Variants in SRGAP1 observed in about 807,000 individuals in gnomAD.
SRGAP1 encodes the protein SLIT-ROBO Rho GTPase activating protein 1.
SRGAP1 carries 43 observed loss-of-function variants against 121.9 expected under a neutral mutation model. That is an observed-to-expected ratio of 0.35 (90% CI 0.28 to 0.46). The LOEUF (loss-of-function observed/expected upper bound fraction) is 0.46. Among genes scored for constraint, SRGAP1 ranks in the 20% least tolerant of loss-of-function variants. The pLI is 1.00. For missense variants in SRGAP1, 1,102 were observed against 1,350.9 expected (o/e 0.82, Z 2.89); for synonymous variants, 447 against 485.4 (o/e 0.92, Z 1.04).
intron 3 of SRGAP1, among the ~76,000 whole-genome samples, chr12:63,996,978 T>C (rs2033730149): frequency 6.6e-6 from 1 of 152,146 alleles, no homozygotes; most frequent in African/African-American, 2.4e-5. Flanking sequence ...TAATAAATGC[T>C]CTCTGAATAG....
chr12:64,112,067 TC>T, intron 17 of SRGAP1, 81 bp downstream of exon 17: 1 of 1,158,460 alleles, frequency 8.6e-7, no homozygotes, highest in Non-Finnish European at 1.2e-6. Context: ...AGAAAGAGTT[TC>T]CCATAAGCCA....
chr12:63,872,809 G>T (rs1434459195), intron 1 of SRGAP1, among the ~76,000 whole-genome samples: 1 of 152,156 alleles, frequency 6.6e-6, no homozygotes, highest in African/African-American at 2.4e-5. Flanking sequence ...TGGTTTTAAA[G>T]TTGAAAAGTA....
intron 1 of SRGAP1, among the ~76,000 whole-genome samples, chr12:63,918,403 C>G (rs2030888537): frequency 6.6e-6 from 1 of 152,008 alleles, no homozygotes; most frequent in African/African-American, 2.4e-5. Flanking sequence ...ATGAACTAAG[C>G]CTTTTATGCT....
At position 64,111,968 on chromosome 12, in the gene SRGAP1, T is replaced by C; in HGVS notation, c.2126T>C (p.Met709Thr). 1 of 1,613,828 alleles carries C rather than the reference T, an allele frequency of 6.2e-7. No homozygotes were observed. The highest frequency in any genetic ancestry group is 8.5e-7 in the Non-Finnish European group (1 of 1,179,794). ...ELDGPVYEKC[M>T]AGDDYCDSPY... is the part of the protein sequence containing the mutation. ...GATGGCCCTGTTTATGAGAAATGTA[T>C]GGCTGGAGATGACTATTGGTAAGTC... Residue 709 changes from methionine (M) to threonine (T), a missense_variant, in exon 17 of 22, where the codon ATG becomes ACG. Met to Thr is a moderately conservative substitution (Grantham distance 81, BLOSUM62 -1). Around this residue, in one of 3 missense-constraint regions of SRGAP1, gnomAD observed 747 missense variants for 929.4 expected, o/e 0.80. Transcript: ENST00000355086.
At chr12:64,141,968 A>G (rs1033293547) in intron 21 of SRGAP1, among the ~76,000 whole-genome samples, 2 of 152,188 alleles carry the variant, frequency 1.3e-5, no homozygotes, top group African/African-American at 4.8e-5. Flanking sequence ...CTGCCTGGCT[A>G]ACAGAGTGAG....
intron 4 of SRGAP1, among the ~76,000 whole-genome samples, 156 bp from the exon 5 acceptor site, chr12:64,042,634 G>A (rs2035047940): frequency 6.6e-6 from 1 of 152,172 alleles, no homozygotes; most frequent in African/African-American, 2.4e-5. Flanking sequence ...TGTAGAAGCA[G>A]TAGTCCATAA....
intron 1 of SRGAP1, among the ~76,000 whole-genome samples, chr12:63,880,860 C>T (rs115263950): frequency 1.7e-3 from 259 of 152,274 alleles, no homozygotes; most frequent in African/African-American, 5.8e-3. Context: ...AGATGTACCT[C>T]GAAAATGTAC....
Position 63,945,279 on chromosome 12 carries a change from T to A in SRGAP1, c.68-38668T>A, listed in dbSNP as rs190611057. On this transcript the variant is annotated intron_variant, in intron 1 of 21. Transcript: ENST00000355086. ...TGTCTTTCTGTTTGTTTTTTTTTTT[T>A]AAATACTTTAAGTTTTGGGATACAT... 8.2e-3 allele frequency among the ~76,000 whole-genome samples: 1,246 copies of A among 152,026 alleles called. 11 individuals are homozygous for A. The highest frequency in any genetic ancestry group is 0.013 in the Non-Finnish European group (874 of 67,950).
intron 1 of SRGAP1, among the ~76,000 whole-genome samples, chr12:63,869,299 A>G (rs961404550): frequency 6.6e-6 from 1 of 152,212 alleles, no homozygotes; most frequent in Non-Finnish European, 1.5e-5. Context: ...TTTTATAAGG[A>G]GCCCACTCCA....
intron 3 of SRGAP1, among the ~76,000 whole-genome samples, chr12:64,014,056 C>T (rs1220496503): frequency 5.9e-5 from 9 of 152,170 alleles, no homozygotes; most frequent in Non-Finnish European, 1.3e-4. Flanking sequence ...ATGGTGTATT[C>T]ACTGTGTGTT....
intron 1 of SRGAP1, among the ~76,000 whole-genome samples, chr12:63,950,867 C>T (rs2032265505): frequency 6.6e-6 from 1 of 152,048 alleles, no homozygotes; most frequent in South Asian, 2.1e-4. Context: ...ACCTGTGTGT[C>T]CTGTCCTGAG....
intron 1 of SRGAP1, among the ~76,000 whole-genome samples, chr12:63,907,880 TA>T (rs1333561442): frequency 6.6e-6 from 1 of 152,224 alleles, no homozygotes; most frequent in Non-Finnish European, 1.5e-5. Context: ...GATTTTTGTG[TA>T]AAGTATAAAG....
intron 1 of SRGAP1, among the ~76,000 whole-genome samples, chr12:63,895,636 G>A (rs889601290): frequency 3.7e-4 from 57 of 152,120 alleles, no homozygotes; most frequent in African/African-American, 1.2e-3. Flanking sequence ...TAAGCTGTAA[G>A]GTCTCAGGCA....
intron 4 of SRGAP1, among the ~76,000 whole-genome samples, chr12:64,020,474 A>G (rs2136471094): frequency 6.6e-6 from 1 of 152,286 alleles, no homozygotes; most frequent in East Asian, 1.9e-4. Flanking sequence ...AAAAAAAAGA[A>G]AAAGGCCTCA....
At chr12:64,107,660 CAAT>C (rs1355933408) in intron 15 of SRGAP1, among the ~76,000 whole-genome samples, 1 of 152,032 alleles carries the variant, frequency 6.6e-6, no homozygotes, top group Non-Finnish European at 1.5e-5. Context: ...TAAAAAACAA[CAAT>C]AATAATGAGA....
intron 1 of SRGAP1, among the ~76,000 whole-genome samples, chr12:63,923,253 TTCTC>T (rs2031135356): frequency 6.6e-6 from 1 of 152,226 alleles, no homozygotes; most frequent in South Asian, 2.1e-4. Context: ...ATGACATAGT[TTCTC>T]TCCCTCTTGC....
chr12:63,931,625 C>T (rs535347887), intron 1 of SRGAP1, among the ~76,000 whole-genome samples: 1 of 152,290 alleles, frequency 6.6e-6, no homozygotes, highest in Non-Finnish European at 1.5e-5. Context: ...TATCATTATG[C>T]CTACCTTAGA....
chr12:63,876,450 A>G (rs558620227), intron 1 of SRGAP1, among the ~76,000 whole-genome samples: 65 of 152,312 alleles, frequency 4.3e-4, no homozygotes, highest in Non-Finnish European at 6.8e-4. Flanking sequence ...AGCTGCTTAT[A>G]CTATCTTTAT....
At chr12:63,996,309 A>G (rs76188954) in intron 3 of SRGAP1, among the ~76,000 whole-genome samples, 2,730 of 152,122 alleles carry the variant, frequency 0.018, 64 homozygotes, top group African/African-American at 0.062. Flanking sequence ...GAAAGGTGCC[A>G]TTTTCATATA....
Sources: gnomAD v4.1 joint callset for allele counts (sites outside exome capture counted in the v4.1 genomes callset) on GRCh38, gnomAD v4.1.1 for gene constraint, gnomAD v4.1.1 regional missense constraint, MANE v1.5 for transcripts, NCBI Gene and HGNC (gene_info 2026-07-23, HGNC 2026-07-21) for gene names.